CSMD1: variants seen among roughly 807,000 people sequenced by gnomAD.
The protein encoded by CSMD1 is CUB and sushi domain-containing protein 1.
A neutral mutation model predicts 417.5 loss-of-function variants in CSMD1; 213 were observed. The ratio of observed to expected loss-of-function variants is 0.51; its 90% CI spans 0.46 to 0.57. The LOEUF is 0.57. Among genes scored for constraint, CSMD1 ranks in the 20% least tolerant of loss-of-function variants. The pLI, the probability that CSMD1 is intolerant of heterozygous loss-of-function variation, is 0.00. For synonymous variants in CSMD1, 2,862 were observed against 1,736.8 expected, an observed-to-expected ratio of 1.65 and a Z score of -16.11; for missense variants, 6,923 against 4,529.7, an observed-to-expected ratio of 1.53 and a Z score of -15.17.
chr8:3,312,150 C>G (rs1174569954), intron 23 of CSMD1, among the ~76,000 whole-genome samples: 1 of 152,022 alleles, frequency 6.6e-6, no homozygotes, highest in Non-Finnish European at 1.5e-5. Context: ...GTCTACTAAA[C>G]TTTACTTGGG....
At chr8:3,899,747 G>C (rs1281858683) in intron 5 of CSMD1, among the ~76,000 whole-genome samples, 1 of 152,092 alleles carries the variant, frequency 6.6e-6, no homozygotes, top group Non-Finnish European at 1.5e-5. Flanking sequence ...CAGTTGGAAG[G>C]GCTGTATGAC....
intron 6 of CSMD1, among the ~76,000 whole-genome samples, chr8:3,713,487 T>A (rs1363622687): frequency 1.3e-5 from 2 of 152,098 alleles, no homozygotes; most frequent in Non-Finnish European, 2.9e-5. Context: ...TGCTCCCCTG[T>A]CCCTCCCTGT....
intron 10 of CSMD1, among the ~76,000 whole-genome samples, chr8:3,526,825 T>C (rs566848432): frequency 3.2e-4 from 48 of 152,346 alleles, no homozygotes; most frequent in African/African-American, 1.1e-3. Context: ...TAACAACCTG[T>C]ATTCTCCTTT....
intron 1 of CSMD1, among the ~76,000 whole-genome samples, chr8:4,647,062 A>T (rs977881172): frequency 9.2e-5 from 14 of 152,186 alleles, no homozygotes; most frequent in African/African-American, 3.4e-4. Flanking sequence ...AGATGGCAGC[A>T]AAGTCAGTTC....
At chr8:3,567,825 T>A (rs1799778860) in intron 10 of CSMD1, among the ~76,000 whole-genome samples, 1 of 152,156 alleles carries the variant, frequency 6.6e-6, no homozygotes, top group Non-Finnish European at 1.5e-5. Context: ...CCGTCACTAT[T>A]TGCTGTATTA....
chr8:3,925,705 G>T (rs979754722), intron 5 of CSMD1, among the ~76,000 whole-genome samples: 1 of 151,958 alleles, frequency 6.6e-6, no homozygotes, highest in African/African-American at 2.4e-5. Context: ...CACGTAAGAA[G>T]TGCCTGTTAC....
chr8:3,262,196 T>TGA (rs1801124149), intron 26 of CSMD1, among the ~76,000 whole-genome samples: 1 of 74,564 alleles, frequency 1.3e-5, no homozygotes, highest in Non-Finnish European at 2.9e-5. Flanking sequence ...TATATATATA[T>TGA]ATATATATAT....
chr8:4,765,601 C>T (rs1812411028), intron 1 of CSMD1, among the ~76,000 whole-genome samples: 1 of 152,172 alleles, frequency 6.6e-6, no homozygotes, highest in Non-Finnish European at 1.5e-5. Flanking sequence ...ACCTCCTGAG[C>T]AGCTGAGAAA....
intron 2 of CSMD1, among the ~76,000 whole-genome samples, chr8:4,533,292 GAAGCCAAGTTGTCATGACACA>G (rs1796932240): frequency 6.6e-6 from 1 of 152,158 alleles, no homozygotes; most frequent in African/African-American, 2.4e-5. Context: ...TCATGCTGAG[GAAGCCAAGTTGTCATGACACA>G]AAGCCAAGGA....
rs79937790 is a variant in CSMD1 at position 4,391,808 on chromosome 8, A to G, written c.415+28145T>C. ...TTTGAGCGGCTGCTAAGCTCAAATC[A>G]TGGCAGCTGCCTTGCTTGTTCTGGC... On this transcript the variant is annotated intron_variant, in intron 3 of 69. Transcript: ENST00000635120. Among the ~76,000 whole-genome samples the G allele has an allele frequency of 4.3e-3, 653 of 152,268 alleles. 24 individuals carry two copies. In the East Asian group the frequency reaches 0.096, roughly 22 times the overall value.
chr8:3,702,388 T>G (rs747106415), intron 7 of CSMD1: 1 of 152,212 alleles, frequency 6.6e-6, no homozygotes, highest in Non-Finnish European at 1.5e-5. Flanking sequence ...TCTTTCTTCC[T>G]AGAGATGTAT....
chr8:4,168,244 A>T (rs1424552887), intron 3 of CSMD1, among the ~76,000 whole-genome samples: 1 of 151,480 alleles, frequency 6.6e-6, no homozygotes, highest in African/African-American at 2.4e-5. Context: ...CACACAAAAA[A>T]ATTAGTTGAC....
intron 3 of CSMD1, among the ~76,000 whole-genome samples, chr8:4,340,581 C>G (rs78659772): frequency 6.6e-6 from 1 of 152,094 alleles, no homozygotes; most frequent in Non-Finnish European, 1.5e-5. Context: ...AAAACCCACC[C>G]TGCTGATTTC....
At chr8:3,844,633 G>C (rs1803365935) in intron 5 of CSMD1, among the ~76,000 whole-genome samples, 3 of 152,132 alleles carry the variant, frequency 2.0e-5, no homozygotes, top group South Asian at 4.1e-4. Context: ...GATGGAAGGA[G>C]AACGGTGGGT....
chr8:4,085,201 C>T (rs1248159302), intron 3 of CSMD1, among the ~76,000 whole-genome samples: 5 of 152,146 alleles, frequency 3.3e-5, no homozygotes, highest in African/African-American at 1.2e-4. Flanking sequence ...CCTGCAACTT[C>T]AGCCCAGCTA....
intron 1 of CSMD1, among the ~76,000 whole-genome samples, chr8:4,879,078 C>G (rs1803231468): frequency 6.6e-6 from 1 of 151,872 alleles, no homozygotes; most frequent in Non-Finnish European, 1.5e-5. Flanking sequence ...ATTGTAGACA[C>G]TAAGTAAGCT....
In CSMD1 at chr8:3,547,710, A is replaced by G. The variant is rs1383711050; in HGVS notation, c.1344+27235T>C. Among the ~76,000 whole-genome samples, 5 of 152,348 alleles carry G rather than the reference A, an allele frequency of 3.3e-5. No homozygotes were observed. In the South Asian group the frequency reaches 8.3e-4, roughly 25 times the overall value. ...AGTTAAATCTACTAAGCCTACCTATATGAAAAACAATAGATCTTATTTTGG... is the reference window on the plus strand; with the variant it reads ...AGTTAAATCTACTAAGCCTACCTATGTGAAAAACAATAGATCTTATTTTGG... On this transcript the variant is annotated intron_variant, in intron 10 of 69. Transcript: ENST00000635120.
chr8:4,584,203 G>A (rs958932056), intron 2 of CSMD1, among the ~76,000 whole-genome samples: 1 of 152,014 alleles, frequency 6.6e-6, no homozygotes, highest in Non-Finnish European at 1.5e-5. Flanking sequence ...CATCATTCTT[G>A]AAGCTAGTGA....
chr8:3,883,101 G>T (rs1029022292), intron 5 of CSMD1, among the ~76,000 whole-genome samples: 1 of 152,060 alleles, frequency 6.6e-6, no homozygotes, highest in Non-Finnish European at 1.5e-5. Flanking sequence ...AATTCCCTAA[G>T]AATCCTTAGT....
Sources: gnomAD v4.1 joint callset for allele counts (sites outside exome capture counted in the v4.1 genomes callset) on GRCh38, gnomAD v4.1.1 for gene constraint, MANE v1.5 for transcripts, NCBI Gene and HGNC (gene_info 2026-07-23, HGNC 2026-07-21) for gene names.